Variants in TMEM132D observed in about 807,000 individuals in gnomAD.
TMEM132D encodes the protein transmembrane protein 132D, also known as mature OL transmembrane protein.
Under a neutral mutation model 62.3 loss-of-function variants are expected in TMEM132D, and 21 were observed. The ratio of observed to expected loss-of-function variants is 0.34; its 90% CI spans 0.24 to 0.49. TMEM132D has a LOEUF of 0.49. TMEM132D is among the 20% of genes least tolerant of loss of function. The pLI is 0.99. For synonymous variants in TMEM132D, 621 were observed against 575.6 expected (o/e 1.08, Z -1.13); for missense variants, 1,346 against 1,402.8 (o/e 0.96, Z 0.65).
At chr12:129,799,882 G>C (rs550289179) in intron 1 of TMEM132D, among the ~76,000 whole-genome samples, 2 of 152,232 alleles carry the variant, frequency 1.3e-5, no homozygotes, top group East Asian at 3.9e-4. Flanking sequence ...GGGGGCACAG[G>C]CTGCCCTCTT....
intron 4 of TMEM132D, among the ~76,000 whole-genome samples, chr12:129,330,878 C>A (rs1869081363): frequency 6.6e-6 from 1 of 152,140 alleles, no homozygotes; most frequent in African/African-American, 2.4e-5. Context: ...ACTTAGAGTG[C>A]AAATCAAAGG....
chr12:129,624,266 A>G (rs191378782), intron 2 of TMEM132D, among the ~76,000 whole-genome samples: 13 of 152,346 alleles, frequency 8.5e-5, no homozygotes, highest in African/African-American at 3.1e-4. Context: ...TTAGGAGTCC[A>G]ATGCAAAAGC....
At chr12:129,229,745 A>C (rs1441927210) in intron 4 of TMEM132D, among the ~76,000 whole-genome samples, 2 of 152,236 alleles carry the variant, frequency 1.3e-5, no homozygotes, top group Non-Finnish European at 2.9e-5. Context: ...TTAGAATTTT[A>C]ACCCTCTAGA....
intron 5 of TMEM132D, among the ~76,000 whole-genome samples, chr12:129,137,701 T>C (rs1300455861): frequency 6.6e-6 from 1 of 152,188 alleles, no homozygotes; most frequent in Non-Finnish European, 1.5e-5. Flanking sequence ...TGCTTCATTC[T>C]TCATCCTTGG....
intron 5 of TMEM132D, among the ~76,000 whole-genome samples, chr12:129,119,478 G>A (rs1410635615): frequency 2.0e-5 from 3 of 152,124 alleles, no homozygotes; most frequent in Non-Finnish European, 4.4e-5. Context: ...TCAGCAACAC[G>A]GATGGAACTA....
intron 3 of TMEM132D, among the ~76,000 whole-genome samples, chr12:129,491,512 G>C (rs61377849): frequency 0.013 from 2,011 of 152,154 alleles, 40 homozygotes; most frequent in African/African-American, 0.046. Context: ...AGCTTCCCCC[G>C]GTCCTCCCCG....
Position 129,896,220 on chromosome 12 carries a change from T to C in TMEM132D, c.79+7041A>G, listed in dbSNP as rs540247573. Among the ~76,000 whole-genome samples, 15 of 152,084 alleles carry C rather than the reference T, an allele frequency of 9.9e-5. 1 individual carries two copies. In the South Asian group the frequency reaches 2.9e-3, roughly 30 times the overall value. On this transcript the variant is annotated intron_variant, in intron 1 of 8. Coordinates refer to ENST00000422113, the MANE Select transcript of TMEM132D (RefSeq NM_133448.3). ...GGCTGGTCTTGAACTCCTGGACTCC[T>C]CAAGTGATCCTCCCACCTGGGCCCC...
chr12:129,467,489 T>C (rs918441361), intron 3 of TMEM132D, among the ~76,000 whole-genome samples: 5 of 152,272 alleles, frequency 3.3e-5, no homozygotes, highest in Admixed American at 1.3e-4. Flanking sequence ...CCAATCACTG[T>C]GGCCAAGAGG....
At chr12:129,227,046 T>G (rs777650905) in intron 4 of TMEM132D, among the ~76,000 whole-genome samples, 2 of 152,148 alleles carry the variant, frequency 1.3e-5, no homozygotes, top group Non-Finnish European at 2.9e-5. Context: ...CTCCTTAAGC[T>G]GATTAGGCAG....
intron 2 of TMEM132D, among the ~76,000 whole-genome samples, chr12:129,661,515 C>A (rs966105088): frequency 6.6e-6 from 1 of 152,182 alleles, no homozygotes; most frequent in Non-Finnish European, 1.5e-5. Context: ...GGAAAGTGGA[C>A]CTCCATGTTA....
chr12:129,228,150 C>CG (rs397735288), intron 4 of TMEM132D, among the ~76,000 whole-genome samples: 10 of 14,102 alleles, frequency 7.1e-4, no homozygotes, highest in African/African-American at 4.7e-3. Context: ...TTTTGGAGAA[C>CG]TGCCATTGAC....
At chr12:129,175,600 T>C (rs1223024939) in intron 5 of TMEM132D, among the ~76,000 whole-genome samples, 1 of 152,074 alleles carries the variant, frequency 6.6e-6, no homozygotes, top group Non-Finnish European at 1.5e-5. Context: ...CCAAGCTACT[T>C]GGGAGGCTGA....
intron 1 of TMEM132D, among the ~76,000 whole-genome samples, chr12:129,799,941 C>G (rs1871710266): frequency 6.6e-6 from 1 of 152,154 alleles, no homozygotes; most frequent in Non-Finnish European, 1.5e-5. Flanking sequence ...CAAAACTCAT[C>G]CCATCCTGAG....
At chr12:129,338,383 C>T (rs186553274) in intron 3 of TMEM132D, among the ~76,000 whole-genome samples, 8 of 152,240 alleles carry the variant, frequency 5.3e-5, no homozygotes, top group Admixed American at 2.6e-4. Flanking sequence ...CCAGATATTA[C>T]GTGGAGATGG....
At chr12:129,170,799 C>A (rs948372025) in intron 5 of TMEM132D, among the ~76,000 whole-genome samples, 13 of 83,040 alleles carry the variant, frequency 1.6e-4, no homozygotes, top group African/African-American at 4.4e-4. Flanking sequence ...CCCAGCGAGA[C>A]TCCAAGTAAA....
intron 3 of TMEM132D, among the ~76,000 whole-genome samples, chr12:129,482,784 A>G (rs1272240606): frequency 6.6e-6 from 1 of 151,554 alleles, no homozygotes; most frequent in Non-Finnish European, 1.5e-5. Context: ...TTTTTTGCCA[A>G]CTTTAGATTT....
chr12:129,853,717 A>G (rs558980437), intron 1 of TMEM132D: 7 of 152,148 alleles, frequency 4.6e-5, no homozygotes, highest in Non-Finnish European at 7.4e-5. Context: ...GTAGTCGGCA[A>G]TTATCAGTGG....
At chr12:129,657,028 A>T (rs1275078690) in intron 2 of TMEM132D, among the ~76,000 whole-genome samples, 1 of 152,240 alleles carries the variant, frequency 6.6e-6, no homozygotes, top group East Asian at 1.9e-4. Flanking sequence ...AAAACAGATG[A>T]ACTGAAATAT....
chr12:129,707,783 G>A (rs1881541533), intron 1 of TMEM132D, among the ~76,000 whole-genome samples: 1 of 152,164 alleles, frequency 6.6e-6, no homozygotes, highest in African/African-American at 2.4e-5. Context: ...TGGACGCAGT[G>A]CTGGGTGCAG....
Sources: allele counts gnomAD v4.1 joint callset (sites outside exome capture counted in the v4.1 genomes callset), GRCh38; gene constraint gnomAD v4.1.1; transcripts MANE v1.5; gene names NCBI Gene and HGNC (gene_info 2026-07-23, HGNC 2026-07-21).